Variants in ALPK2 observed in about 807,000 individuals in gnomAD.
The protein encoded by ALPK2 is alpha kinase 2, also known as alpha-protein kinase 2.
ALPK2 carries 127 observed loss-of-function variants against 163.1 expected under a neutral mutation model. The observed-to-expected ratio is 0.78, with a 90% confidence interval of 0.67 to 0.90. The LOEUF (loss-of-function observed/expected upper bound fraction) is 0.90. Ranked by LOEUF, ALPK2 falls within the 40% of genes least tolerant of loss-of-function variation. ALPK2 has a pLI of 0.00. For synonymous variants in ALPK2, 953 were observed against 959.1 expected (o/e 0.99, Z 0.12); for missense variants, 2,360 against 2,589.6 (o/e 0.91, Z 1.92).
intron 4 of ALPK2, among the ~76,000 whole-genome samples, chr18:58,559,202 G>A (rs980929948): frequency 2.6e-5 from 4 of 152,202 alleles, no homozygotes; most frequent in African/African-American, 9.7e-5. Context: ...TGGGACCTGT[G>A]GCAGTGTCTG....
At chr18:58,540,331 C>A (rs1195500086) in intron 4 of ALPK2, among the ~76,000 whole-genome samples, 1 of 152,142 alleles carries the variant, frequency 6.6e-6, no homozygotes. Context: ...GACTTTGAAC[C>A]CTAAGCACTA....
chr18:58,619,319 A>C, intron 1 of ALPK2, among the ~76,000 whole-genome samples: 1 of 149,678 alleles, frequency 6.7e-6, no homozygotes, highest in Admixed American at 6.6e-5. Flanking sequence ...AGTCACTTCT[A>C]AAGGTTGGTG....
At chr18:58,610,811 C>T (rs1252703473) in intron 2 of ALPK2, among the ~76,000 whole-genome samples, 1 of 147,382 alleles carries the variant, frequency 6.8e-6, no homozygotes, top group Non-Finnish European at 1.5e-5. Context: ...ATTAGCCAGG[C>T]GAGCCAGCCG....
At chr18:58,491,825 TCTGCAGGGCCA>T (rs2051376545) in intron 12 of ALPK2, among the ~76,000 whole-genome samples, 1 of 152,234 alleles carries the variant, frequency 6.6e-6, no homozygotes, top group South Asian at 2.1e-4. Flanking sequence ...TACAGGAGCC[TCTGCAGGGCCA>T]CAGGGCAGGT....
chr18:58,619,648 C>T (rs1009392688), intron 1 of ALPK2, among the ~76,000 whole-genome samples: 3 of 152,190 alleles, frequency 2.0e-5, no homozygotes, highest in South Asian at 4.1e-4. Context: ...CATTGAAAAT[C>T]AGCCAAATTT....
At position 58,615,252 on chromosome 18, in the gene ALPK2, A is replaced by G. The variant is rs144912965; in HGVS notation, c.-20-3435T>C. Among the ~76,000 whole-genome samples, 722 of 152,326 alleles carry G rather than the reference A, an allele frequency of 4.7e-3. 5 individuals are homozygous for G. The highest frequency in any genetic ancestry group is 5.6e-3 in the Non-Finnish European group (383 of 68,022). ...GCTTTTCAGAAGCAACTGTTGAGAC[A>G]GAGGGATGACTACCCCACTCTTCAT... On this transcript the variant is annotated intron_variant, in intron 1 of 12. Transcript: ENST00000361673.
In ALPK2 at chr18:58,489,708, A is replaced by G. The variant is rs76530603; in HGVS notation, c.6297-7669T>C. Among the ~76,000 whole-genome samples the G allele has an allele frequency of 9.2e-3, 1,407 of 152,126 alleles. 26 individuals are homozygous for G. The highest frequency in any genetic ancestry group is 0.028 in the African/African-American group (1,145 of 41,470). On this transcript the variant is annotated intron_variant, in intron 12 of 12. Coordinates refer to ENST00000361673, the MANE Select transcript of ALPK2 (RefSeq NM_052947.4). ...TCTCAAAACAGTCATAATAATAATA[A>G]TATCTTTCCTTGTCCCTAGGACATT...
chr18:58,622,589 C>T (rs1196874935), intron 1 of ALPK2, among the ~76,000 whole-genome samples: 1 of 152,138 alleles, frequency 6.6e-6, no homozygotes, highest in Non-Finnish European at 1.5e-5. Context: ...ACTTATGGTG[C>T]TATAAACATA....
intron 3 of ALPK2, among the ~76,000 whole-genome samples, chr18:58,601,850 G>A (rs759216794): frequency 6.6e-6 from 1 of 152,224 alleles, no homozygotes; most frequent in Non-Finnish European, 1.5e-5. Context: ...GAGCACACCA[G>A]TTTTGTGATA....
intron 10 of ALPK2, among the ~76,000 whole-genome samples, chr18:58,513,744 G>A (rs117580136): frequency 0.03 from 4,522 of 152,256 alleles, 89 homozygotes; most frequent in Non-Finnish European, 0.049. Flanking sequence ...GCCAGGTGTG[G>A]TGGTGAGCAC....
Position 58,578,767 on chromosome 18 carries a change from C to CACAT in ALPK2, c.1962+46_1962+47insATGT, listed in dbSNP as rs781659016. ...ACACACACACACACACACACACACA[C>CACAT]ACACGGTTCTTTTTATCTCGTAATT... On this transcript the variant is annotated intron_variant, in intron 4 of 12. Coordinates refer to ENST00000361673, the MANE Select transcript of ALPK2 (RefSeq NM_052947.4). 8 of 1,561,656 alleles carry CACAT rather than the reference C, an allele frequency of 5.1e-6. No individual in the cohort carries two copies. In the Admixed American group the frequency reaches 1.2e-4, roughly 24 times the overall value.
intron 8 of ALPK2, among the ~76,000 whole-genome samples, chr18:58,518,218 A>G (rs1384010125): frequency 6.6e-6 from 1 of 152,240 alleles, no homozygotes; most frequent in Non-Finnish European, 1.5e-5. Flanking sequence ...GCTTCAGGAA[A>G]TATTTTTCTC....
chr18:58,491,404 A>C (rs1288750246), intron 12 of ALPK2, among the ~76,000 whole-genome samples: 1 of 152,230 alleles, frequency 6.6e-6, no homozygotes, highest in Non-Finnish European at 1.5e-5. Context: ...GGAGGCTACA[A>C]GGTTCTAAAC....
Position 58,612,944 on chromosome 18 carries a change from G to A in ALPK2, c.-20-1127C>T, listed in dbSNP as rs1046096271. Among the ~76,000 whole-genome samples the A allele has an allele frequency of 4.6e-5, 7 of 152,078 alleles. No individual in the cohort carries two copies. The East Asian group carries it at 7.7e-4, about 17-fold the overall frequency. ...TGGTTAGCCTGAACAGGGAAGGGGC[G>A]GTTAGGAACTGCAAATCCTGAATCC... On this transcript the variant is annotated intron_variant, in intron 1 of 12. Coordinates refer to ENST00000361673, the MANE Select transcript of ALPK2 (RefSeq NM_052947.4).
intron 1 of ALPK2, among the ~76,000 whole-genome samples, chr18:58,617,280 G>A (rs1004539818): frequency 9.9e-5 from 15 of 152,048 alleles, no homozygotes; most frequent in Admixed American, 7.9e-4. Flanking sequence ...TCCACCTCCC[G>A]GGTTCAAGCG....
intron 5 of ALPK2, among the ~76,000 whole-genome samples, chr18:58,530,081 G>A (rs2051605140): frequency 6.6e-6 from 1 of 152,182 alleles, no homozygotes; most frequent in South Asian, 2.1e-4. Flanking sequence ...ACACAAAAAA[G>A]TACATCAGTA....
At position 58,535,687 on chromosome 18, in the gene ALPK2, G is replaced by A. The variant is rs182616206; in HGVS notation, c.4500C>T (p.Gly1500=). The A allele has an allele frequency of 5.7e-5, 92 of 1,614,222 alleles. 1 individual carries two copies. Among genetic ancestry groups the A allele is most frequent in the Admixed American group, 5.0e-4 (30 of 60,032 alleles). The change falls in exon 5 of 13, where the codon GGC becomes GGT. Residue 1500 remains glycine (G), a synonymous_variant. Coordinates refer to ENST00000361673, the MANE Select transcript of ALPK2 (RefSeq NM_052947.4). The part of the protein sequence containing the change: ...AIWQVLQPSE[G]GERIPSGCSI... Reference sequence around the variant, plus strand: ...TACATCCACTTGGAATTCTTTCACCGCCTTCGCTGGGTTGCAGGACTTGCC... The same window carrying A: ...TACATCCACTTGGAATTCTTTCACCACCTTCGCTGGGTTGCAGGACTTGCC...
intron 4 of ALPK2, among the ~76,000 whole-genome samples, chr18:58,542,999 A>C (rs543949632): frequency 6.6e-6 from 1 of 152,206 alleles, no homozygotes; most frequent in African/African-American, 2.4e-5. Flanking sequence ...CGATTGAATC[A>C]TGGGAGCTCT....
intron 4 of ALPK2, among the ~76,000 whole-genome samples, chr18:58,568,795 G>A (rs1049408321): frequency 6.6e-6 from 1 of 152,148 alleles, no homozygotes; most frequent in African/African-American, 2.4e-5. Context: ...GTGAACAGGA[G>A]GATGTATATA....
Sources: gnomAD v4.1 joint callset for allele counts (sites outside exome capture counted in the v4.1 genomes callset) on GRCh38, gnomAD v4.1.1 for gene constraint, MANE v1.5 for transcripts, NCBI Gene and HGNC (gene_info 2026-07-23, HGNC 2026-07-21) for gene names.